HMCN1: variants seen among roughly 807,000 people sequenced by gnomAD.
HMCN1 encodes the protein hemicentin-1.
Under a neutral mutation model 625.9 loss-of-function variants are expected in HMCN1, and 321 were observed. That is an observed-to-expected ratio of 0.51 (90% confidence interval 0.47 to 0.56). HMCN1 has a LOEUF of 0.56. HMCN1 is among the 20% of genes least tolerant of loss of function. The pLI, the probability that HMCN1 is intolerant of heterozygous loss-of-function variation, is 0.00. For missense variants in HMCN1, 6,588 were observed against 6,887.3 expected (o/e 0.96, Z 1.54); for synonymous variants, 2,425 against 2,417.6 (o/e 1.00, Z -0.09).
At chr1:186,134,963 C>A (rs1200344263) in intron 86 of HMCN1, among the ~76,000 whole-genome samples, 1 of 152,160 alleles carries the variant, frequency 6.6e-6, no homozygotes, top group African/African-American at 2.4e-5. Context: ...CAGGGTGAAC[C>A]TTCCTTTCTA....
chr1:186,020,546 C>T (rs539744707), intron 35 of HMCN1, among the ~76,000 whole-genome samples: 1 of 151,930 alleles, frequency 6.6e-6, no homozygotes, highest in East Asian at 1.9e-4. Flanking sequence ...AATTATTTAC[C>T]TGGGAGACAG....
chr1:186,178,599 C>G lies in HMCN1; in HGVS notation c.16127C>G (p.Ser5376Cys). 6.2e-7 allele frequency: 1 copy of G among 1,614,090 alleles called. No homozygotes were observed. Among genetic ancestry groups the G allele is most frequent in the Non-Finnish European group, 8.5e-7 (1 of 1,179,986 alleles). ...AGTAGCTATAACCTTGCACGGTTCT[C>G]CCCTGTGAGAAACAACTATCAACCT... is the stretch of plus-strand genomic sequence containing the variant. ...QYSSYNLARF[S>C]PVRNNYQPQQ... The change falls in exon 104 of 107, where the codon TCC (serine) becomes TGC (cysteine). Residue 5376 changes from serine (S) to cysteine (C), a missense_variant. Around this residue, in one of 3 missense-constraint regions of HMCN1, gnomAD observed 1,954 missense variants for 2,013.1 expected, o/e 0.97. Transcript: ENST00000271588.
intron 41 of HMCN1, among the ~76,000 whole-genome samples, chr1:186,048,334 T>C (rs1261931916): frequency 1.3e-5 from 2 of 152,240 alleles, no homozygotes; most frequent in East Asian, 3.9e-4. Context: ...CTTACAAACC[T>C]AGCATGGGAG....
chr1:185,832,808 G>T (rs1660945485), intron 1 of HMCN1, among the ~76,000 whole-genome samples: 1 of 152,158 alleles, frequency 6.6e-6, no homozygotes, highest in Admixed American at 6.5e-5. Context: ...GGCCAAAATT[G>T]CTATAAGAAA....
intron 11 of HMCN1, among the ~76,000 whole-genome samples, chr1:185,937,878 C>T (rs1282807440): frequency 7.3e-6 from 1 of 137,198 alleles, no homozygotes; most frequent in Non-Finnish European, 1.6e-5. Context: ...GAGACTCCAT[C>T]TCAAAATAAT....
At chr1:186,012,621 C>T (rs945145613) in intron 30 of HMCN1, among the ~76,000 whole-genome samples, 4 of 152,004 alleles carry the variant, frequency 2.6e-5, no homozygotes, top group Admixed American at 6.6e-5. Flanking sequence ...TCTTTAGACC[C>T]GTTTCTTTTG....
chr1:186,145,636 A>G, intron 92 of HMCN1, 63 bp downstream of exon 92: 1 of 1,609,556 alleles, frequency 6.2e-7, no homozygotes, highest in Non-Finnish European at 8.5e-7. Flanking sequence ...TCATTGTAGC[A>G]GGCCTATTGC....
chr1:185,840,146 T>C (rs1216498186), intron 1 of HMCN1, among the ~76,000 whole-genome samples: 1 of 152,182 alleles, frequency 6.6e-6, no homozygotes, highest in Non-Finnish European at 1.5e-5. Flanking sequence ...AAAATGGTGC[T>C]GGACAGCAAC....
chr1:185,814,204 CA>C (rs1387719551), intron 1 of HMCN1, among the ~76,000 whole-genome samples: 2 of 152,144 alleles, frequency 1.3e-5, no homozygotes, highest in African/African-American at 4.8e-5. Context: ...TCCCTTAAAA[CA>C]ATAGTTGTAC....
intron 74 of HMCN1, among the ~76,000 whole-genome samples, 154 bp downstream of exon 74, chr1:186,115,100 A>G (rs750998815): frequency 2.0e-5 from 3 of 152,226 alleles, no homozygotes; most frequent in African/African-American, 4.8e-5. Flanking sequence ...TCCTTAGTAT[A>G]GTTAATATCA....
chr1:185,804,037 G>A (rs891747293), intron 1 of HMCN1, among the ~76,000 whole-genome samples: 1 of 152,028 alleles, frequency 6.6e-6, no homozygotes, highest in African/African-American at 2.4e-5. Context: ...GTACAGAAAA[G>A]AGACATTTTT....
rs1558180018 is a variant in HMCN1, at chr1:186,053,949, T to C, written c.6825T>C (p.Ala2275=). The C allele has an allele frequency of 6.2e-7, 1 of 1,612,638 alleles. No homozygotes were observed. Among genetic ancestry groups the C allele is most frequent in the African/African-American group, 1.3e-5 (1 of 74,850 alleles). The change falls in exon 44 of 107, where the codon GCT becomes GCC. Residue 2275 remains alanine, a synonymous_variant. Transcript: ENST00000271588. ...ALYSCVASNV[A]GTAKKEYNLQ... is the part of the protein sequence containing the mutation. ...ATTCATGTGTGGCGTCGAATGTTGC[T>C]GGGACTGCAAAGAAAGAATACAATC...
At chr1:185,905,217 T>C (rs1666030048) in intron 4 of HMCN1, among the ~76,000 whole-genome samples, 1 of 151,682 alleles carries the variant, frequency 6.6e-6, no homozygotes, top group Admixed American at 6.6e-5. Context: ...TGATATAAAA[T>C]TCTTCCCTCC....
At chr1:185,746,392 C>T (rs774688974) in intron 1 of HMCN1, among the ~76,000 whole-genome samples, 3 of 152,152 alleles carry the variant, frequency 2.0e-5, no homozygotes, top group Non-Finnish European at 1.5e-5. Flanking sequence ...AGAAATTTAT[C>T]ATCTCACAGT....
intron 103 of HMCN1, among the ~76,000 whole-genome samples, chr1:186,175,837 C>CT (rs1652530923): frequency 7.2e-6 from 1 of 139,064 alleles, no homozygotes; most frequent in African/African-American, 2.7e-5. Flanking sequence ...GATTGCATCA[C>CT]TGCACTCCAG....
chr1:185,957,686 A>T (rs1419953168), intron 11 of HMCN1, among the ~76,000 whole-genome samples: 1 of 152,124 alleles, frequency 6.6e-6, no homozygotes, highest in Non-Finnish European at 1.5e-5. Flanking sequence ...TTTCTCCTTG[A>T]TGTTTTTCTG....
intron 93 of HMCN1, 64 bp downstream of exon 93, chr1:186,145,987 C>G: frequency 1.3e-6 from 2 of 1,523,686 alleles, no homozygotes; most frequent in Non-Finnish European, 1.8e-6. Flanking sequence ...GAGAAAGGTG[C>G]CACAAATTAC....
intron 54 of HMCN1, 33 bp downstream of exon 54, chr1:186,076,655 ACT>A (rs1286643475): frequency 1.9e-5 from 30 of 1,589,690 alleles, no homozygotes; most frequent in Non-Finnish European, 2.3e-5. Flanking sequence ...TGAAAAGCTG[ACT>A]CTCTGCCAAA....
chr1:185,823,622 G>C (rs1660333211), intron 1 of HMCN1, among the ~76,000 whole-genome samples: 1 of 152,136 alleles, frequency 6.6e-6, no homozygotes, highest in Non-Finnish European at 1.5e-5. Flanking sequence ...TGTGGTTTTA[G>C]TGAAATCCAA....
Sources: gnomAD v4.1 joint callset for allele counts (sites outside exome capture counted in the v4.1 genomes callset) on GRCh38, gnomAD v4.1.1 for gene constraint, gnomAD v4.1.1 regional missense constraint, MANE v1.5 for transcripts, NCBI Gene and HGNC (gene_info 2026-07-23, HGNC 2026-07-21) for gene names.